The following STRN variants were observed in gnomAD, a reference collection of about 807,000 sequenced individuals.
The protein encoded by STRN is striatin.
A neutral mutation model predicts 96.3 loss-of-function variants in STRN; 53 were observed. The ratio of observed to expected loss-of-function variants is 0.55; its 90% CI spans 0.44 to 0.69. The LOEUF (loss-of-function observed/expected upper bound fraction) is 0.69, where lower values mean the gene tolerates loss of function less well. Ranked by LOEUF, STRN falls within the 30% of genes least tolerant of loss-of-function variation. The probability of loss-of-function intolerance (pLI) is 0.00; values close to 1 mark genes in which losing one functional copy is unlikely to be tolerated. For synonymous variants in STRN, 428 were observed against 355.9 expected (o/e 1.20, Z -2.28); for missense variants, 987 against 963.9 (o/e 1.02, Z -0.32).
At chr2:36,945,774 G>C (rs1670966013) in intron 1 of STRN, among the ~76,000 whole-genome samples, 1 of 152,150 alleles carries the variant, frequency 6.6e-6, no homozygotes, top group African/African-American at 2.4e-5. Flanking sequence ...TCATTAGTTA[G>C]TTAAATGAGA....
Position 36,966,486 on chromosome 2 carries a change from G to A in STRN, c.-23C>T. 7.1e-7 allele frequency: 1 copy of A among 1,409,528 alleles called. No individual in the cohort carries two copies. Among genetic ancestry groups the A allele is most frequent in the Non-Finnish European group, 9.2e-7 (1 of 1,085,848 alleles). The allele number at this position is 1,409,528 out of a possible 1,614,324, so 87.3% of individuals were successfully genotyped here. ...CATGGCGGCCGCAGATACCCGGGGA[G>A]CTGCCCCGGCGCCCAGCAGCGGAGG... On this transcript the variant is annotated 5_prime_UTR_variant, in exon 1 of 18. Transcript: ENST00000263918.
intron 2 of STRN, among the ~76,000 whole-genome samples, chr2:36,921,984 T>A (rs1670271936): frequency 6.6e-6 from 1 of 152,122 alleles, no homozygotes; most frequent in African/African-American, 2.4e-5. Flanking sequence ...TAATAGAATA[T>A]CAATGTTACA....
chr2:36,898,890 A>G (rs1484674799), intron 6 of STRN, among the ~76,000 whole-genome samples: 2 of 152,142 alleles, frequency 1.3e-5, no homozygotes, highest in African/African-American at 2.4e-5. Context: ...GAGAGAGAGA[A>G]GGGAGAAGGG....
At chr2:36,879,663 T>A (rs977553234) in intron 9 of STRN, among the ~76,000 whole-genome samples, 6 of 152,196 alleles carry the variant, frequency 3.9e-5, no homozygotes, top group African/African-American at 1.4e-4. Context: ...GATGGTTACA[T>A]ATGACAAACA....
chr2:36,858,650 T>C (rs1668408364), intron 13 of STRN, among the ~76,000 whole-genome samples: 1 of 152,188 alleles, frequency 6.6e-6, no homozygotes, highest in Non-Finnish European at 1.5e-5. Context: ...TTGGAAACCT[T>C]ATTAATCTTC....
chr2:36,839,210 A>C lies in STRN; in HGVS notation c.*10246T>G, dbSNP rs1210384553. ...TTCTGTCACTTTCTTAACCTGAAAA[A>C]CATCAAATCATCCCCCTTCCCTGCT... On this transcript the variant is annotated 3_prime_UTR_variant, in exon 18 of 18. Transcript: ENST00000263918. 6.6e-6 allele frequency among the ~76,000 whole-genome samples: 1 copy of C among 152,018 alleles called. No individual in the cohort carries two copies. Among genetic ancestry groups the C allele is most frequent in the Non-Finnish European group, 1.5e-5 (1 of 67,988 alleles).
intron 10 of STRN, among the ~76,000 whole-genome samples, chr2:36,873,729 G>C (rs978649297): frequency 3.9e-5 from 6 of 152,024 alleles, no homozygotes; most frequent in Admixed American, 1.3e-4. Flanking sequence ...TGGATGATGA[G>C]GTCAGGAGAT....
At position 36,869,654 on chromosome 2, in the gene STRN, G is replaced by A; in HGVS notation, c.1399C>T (p.Arg467Ter). 1.2e-6 allele frequency: 2 copies of A among 1,612,490 alleles called. No homozygotes were observed. The highest frequency in any genetic ancestry group is 1.7e-6 in the Non-Finnish European group (2 of 1,179,256). Residue 467 changes from arginine to a stop codon, truncating the protein, a stop_gained, in exon 11 of 18, where the codon CGA (arginine) becomes TGA (stop). Coordinates refer to ENST00000263918, the MANE Select transcript of STRN (RefSeq NM_003162.4). LOFTEE classifies it high-confidence loss of function. The stretch of plus-strand genomic sequence containing the variant: ...TCAATGGGATGGAAAGCAAGGGCTC[G>A]GATGCCATCAAAGTGACTTCTCAAT... ...FTLRSHFDGIRALAFHPIEPV... is the reference protein window; with the variant it reads ...FTLRSHFDGI
chr2:36,901,480 A>T (rs1054566285), intron 5 of STRN, among the ~76,000 whole-genome samples: 1 of 150,184 alleles, frequency 6.7e-6, no homozygotes. Flanking sequence ...TGAACCCAGG[A>T]GGCAGAGTTT....
intron 1 of STRN, among the ~76,000 whole-genome samples, chr2:36,945,929 A>T (rs1413918819): frequency 1.3e-5 from 2 of 152,184 alleles, no homozygotes; most frequent in Non-Finnish European, 2.9e-5. Flanking sequence ...TACACTTAAC[A>T]GTTATACAGT....
rs150796484 is a variant in STRN, at chr2:36,844,532, A to G, written c.*4924T>C. The G allele has an allele frequency of 3.3e-5, 5 of 152,296 alleles. No individual in the cohort carries two copies. The highest frequency in any genetic ancestry group is 3.9e-4 in the East Asian group (2 of 5,186). 9.4% of individuals were successfully genotyped at this position (152,296 alleles called of 1,614,324 possible). On this transcript the variant is annotated 3_prime_UTR_variant, in exon 18 of 18. Transcript: ENST00000263918. ...TTTGAAAATTTGCATCAGAGAGATG[A>G]CAAGCATGTGGTCCTGGTTAAATTA...
chr2:36,914,980 G>A (rs567278408), intron 3 of STRN, among the ~76,000 whole-genome samples: 110 of 151,800 alleles, frequency 7.2e-4, no homozygotes, highest in Non-Finnish European at 5.9e-4. Context: ...GGCGGATCCC[G>A]AGGTCAGGAG....
intron 11 of STRN, among the ~76,000 whole-genome samples, chr2:36,868,210 T>C (rs1271944018): frequency 2.0e-5 from 3 of 152,092 alleles, no homozygotes; most frequent in Non-Finnish European, 4.4e-5. Flanking sequence ...AAGCAAATTA[T>C]TTAATCTTTC....
At chr2:36,937,607 G>A (rs1268101514) in intron 1 of STRN, among the ~76,000 whole-genome samples, 1 of 151,622 alleles carries the variant, frequency 6.6e-6, no homozygotes, top group Non-Finnish European at 1.5e-5. Flanking sequence ...CAGTGAGGTT[G>A]AGGCTACAGT....
chr2:36,908,883 A>T (rs1669892116), intron 3 of STRN, among the ~76,000 whole-genome samples: 1 of 152,100 alleles, frequency 6.6e-6, no homozygotes, highest in South Asian at 2.1e-4. Flanking sequence ...CAGGAGGCTG[A>T]GGCAGGAGAA....
chr2:36,909,864 C>A (rs921832351), intron 3 of STRN, among the ~76,000 whole-genome samples: 16 of 151,498 alleles, frequency 1.1e-4, no homozygotes, highest in Middle Eastern at 3.4e-3. Context: ...AGAAATAATG[C>A]CTATGAGCAA....
chr2:36,905,127 G>A (rs990938118), intron 4 of STRN, among the ~76,000 whole-genome samples: 10 of 151,944 alleles, frequency 6.6e-5, no homozygotes, highest in Admixed American at 1.3e-4. Flanking sequence ...GTGCCACCAC[G>A]CCCGGCTAAT....
At chr2:36,949,485 G>A (rs1193515622) in intron 1 of STRN, among the ~76,000 whole-genome samples, 3 of 152,182 alleles carry the variant, frequency 2.0e-5, no homozygotes, top group Non-Finnish European at 4.4e-5. Context: ...TTTGGCCAAG[G>A]GAGAAACCAG....
At chr2:36,863,093 T>C (rs972812900) in intron 12 of STRN, among the ~76,000 whole-genome samples, 1 of 152,166 alleles carries the variant, frequency 6.6e-6, no homozygotes, top group Non-Finnish European at 1.5e-5. Flanking sequence ...AGATTCATAG[T>C]TTGCAAATAT....
Sources: gnomAD v4.1 joint callset for allele counts (sites outside exome capture counted in the v4.1 genomes callset) on GRCh38, gnomAD v4.1.1 for gene constraint, MANE v1.5 for transcripts, NCBI Gene and HGNC (gene_info 2026-07-23, HGNC 2026-07-21) for gene names.